The following BARD1 variants were observed in gnomAD, a reference collection of about 807,000 sequenced individuals.
BARD1 encodes the protein BRCA1-associated RING domain protein 1.
A neutral mutation model predicts 77.0 loss-of-function variants in BARD1; 73 were observed. That is an observed-to-expected ratio of 0.95 (90% CI 0.79 to 1.15). BARD1 has a LOEUF of 1.15. BARD1 is among the 50% of genes most tolerant of loss of function. The pLI, the probability that BARD1 is intolerant of heterozygous loss-of-function variation, is 0.00. For missense variants in BARD1, 993 were observed against 938.8 expected, an observed-to-expected ratio of 1.06 and a Z score of -0.75; for synonymous variants, 384 against 338.0, an observed-to-expected ratio of 1.14 and a Z score of -1.49.
intron 10 of BARD1, among the ~76,000 whole-genome samples, chr2:214,729,623 G>T (rs184178252): frequency 6.6e-6 from 1 of 152,054 alleles, no homozygotes; most frequent in East Asian, 1.9e-4. Context: ...GATATGCTTG[G>T]TATAAAGAAA....
chr2:214,750,072 C>T (rs13429493), intron 7 of BARD1, among the ~76,000 whole-genome samples: 27,947 of 152,086 alleles, frequency 0.18, 2,793 homozygotes, highest in Non-Finnish European at 0.23. Context: ...TACTACTACT[C>T]TTGTGAATGA....
At chr2:214,734,955 A>C (rs1302353336) in intron 9 of BARD1, among the ~76,000 whole-genome samples, 1 of 152,218 alleles carries the variant, frequency 6.6e-6, no homozygotes, top group African/African-American at 2.4e-5. Context: ...TTAGTGAATA[A>C]TGAAACACTG....
At position 214,727,436 on chromosome 2, in the gene BARD1, T is replaced by G. The variant is rs55715155; in HGVS notation, c.*1240A>C. 0.041 allele frequency: 9,483 copies of G among 231,864 alleles called. 281 individuals are homozygous for G. Among genetic ancestry groups the G allele is most frequent in the Non-Finnish European group, 0.059 (6,873 of 117,186 alleles). The allele number at this position is 231,864 out of a possible 1,614,324, so 14.4% of individuals were successfully genotyped here. A position where few individuals can be genotyped will look rare whatever the true frequency, so the allele number is the denominator to read the frequency against. ...TGTCTCCTTCCCCAAGTCTTTAATT[T>G]TATAAGTATATTCAATGTCTAGGAA... is the stretch of plus-strand genomic sequence containing the variant. On this transcript the variant is annotated 3_prime_UTR_variant, in exon 11 of 11. Transcript: ENST00000260947.
At chr2:214,761,077 A>AC (rs1693941983) in intron 6 of BARD1, among the ~76,000 whole-genome samples, 1 of 151,930 alleles carries the variant, frequency 6.6e-6, no homozygotes. Context: ...GGGATAAAAA[A>AC]AAAAAGTCCA....
chr2:214,808,245 TAAAAATACA>T (rs1486355899), intron 1 of BARD1, among the ~76,000 whole-genome samples: 1 of 151,974 alleles, frequency 6.6e-6, no homozygotes, highest in East Asian at 1.9e-4. Flanking sequence ...CCATCTGTAC[TAAAAATACA>T]AAAAATTAGC....
chr2:214,751,250 C>T (rs986469868), intron 7 of BARD1, among the ~76,000 whole-genome samples: 4 of 142,822 alleles, frequency 2.8e-5, no homozygotes, highest in East Asian at 2.1e-4. Context: ...CTTTACTTCC[C>T]GGGTTCAATC....
rs1553622386 is a variant in BARD1 at position 214,781,009 on chromosome 2, G to A, written c.865C>T (p.Pro289Ser). ...ACTTCATTCCTGCTCTTAGTGTCTG[G>A]AGACTCTATTTGCTCAGCCAATGGT... ...SLPLAEQIES[P>S]DTKSRNEVVT... Residue 289 changes from proline (P) to serine (S), a missense_variant, in exon 4 of 11, where the codon CCA (proline) becomes TCA (serine). Physicochemically the swap from Pro to Ser is moderately conservative, Grantham distance 74. Transcript: ENST00000260947. 1 of 1,612,942 alleles carries A rather than the reference G, an allele frequency of 6.2e-7. No individual in the cohort carries two copies. Among genetic ancestry groups the A allele is most frequent in the South Asian group, 1.1e-5 (1 of 90,906 alleles).
intron 6 of BARD1, among the ~76,000 whole-genome samples, chr2:214,754,628 T>C (rs935199362): frequency 6.6e-6 from 1 of 152,152 alleles, no homozygotes; most frequent in African/African-American, 2.4e-5. Context: ...GCCAGTAAGA[T>C]GATTTTACAA....
Position 214,728,869 on chromosome 2 carries a change from G to A in BARD1, c.2141C>T (p.Thr714Ile). ...SRKPKPDSDV[T>I]QTINTVAYHA... is the part of the protein sequence containing the mutation. Reference sequence around the variant, plus strand: ...GTATGCGACTGTATTGATGGTCTGAGTCACGTCACTGTCTGGCTTGGGCTT... The same window carrying A: ...GTATGCGACTGTATTGATGGTCTGAATCACGTCACTGTCTGGCTTGGGCTT... The change falls in exon 11 of 11, where the codon ACT becomes ATT. Residue 714 changes from threonine (T) to isoleucine (I), a missense_variant. Thr to Ile is a moderately conservative substitution (Grantham distance 89). Transcript: ENST00000260947. The A allele has an allele frequency of 1.2e-6, 2 of 1,614,218 alleles. No homozygotes were observed. The highest frequency in any genetic ancestry group is 1.7e-6 in the Non-Finnish European group (2 of 1,180,040).
At chr2:214,769,146 G>C in intron 5 of BARD1, 86 bp downstream of exon 5, 1 of 1,101,792 alleles carries the variant, frequency 9.1e-7, no homozygotes, top group South Asian at 1.3e-5. Flanking sequence ...ATATGTGGCA[G>C]AGGATGATAT....
intron 3 of BARD1, among the ~76,000 whole-genome samples, chr2:214,785,422 A>G (rs962036984): frequency 1.4e-4 from 22 of 152,058 alleles, no homozygotes; most frequent in African/African-American, 5.3e-4. Flanking sequence ...CATAGGTAAA[A>G]TCAACCCAGC....
chr2:214,768,584 T>TC (rs1694324626), intron 5 of BARD1, among the ~76,000 whole-genome samples: 1 of 151,146 alleles, frequency 6.6e-6, no homozygotes, highest in African/African-American at 2.4e-5. Flanking sequence ...AATTTCTAGT[T>TC]ACAGGATGAA....
At chr2:214,742,047 T>A (rs1232741816) in intron 9 of BARD1, among the ~76,000 whole-genome samples, 1 of 152,220 alleles carries the variant, frequency 6.6e-6, no homozygotes, top group African/African-American at 2.4e-5. Context: ...AAAGTTAATA[T>A]GAAAGTTTCC....
chr2:214,803,827 G>C (rs2106158960), intron 1 of BARD1, among the ~76,000 whole-genome samples: 1 of 152,274 alleles, frequency 6.6e-6, no homozygotes, highest in East Asian at 1.9e-4. Flanking sequence ...ACACCCACAG[G>C]TGTGGAGGGG....
At chr2:214,802,053 G>A (rs1333024578) in intron 1 of BARD1, among the ~76,000 whole-genome samples, 1 of 152,124 alleles carries the variant, frequency 6.6e-6, no homozygotes. Flanking sequence ...GTTTTGCCAT[G>A]TTGCCCAGGC....
intron 4 of BARD1, among the ~76,000 whole-genome samples, chr2:214,771,395 TA>T (rs1250180133): frequency 1.3e-5 from 2 of 152,176 alleles, no homozygotes; most frequent in African/African-American, 4.8e-5. Context: ...TAGAAATCAC[TA>T]ATTCTCCTAA....
At chr2:214,778,771 T>A (rs1694846690) in intron 4 of BARD1, among the ~76,000 whole-genome samples, 1 of 152,186 alleles carries the variant, frequency 6.6e-6, no homozygotes, top group South Asian at 2.1e-4. Context: ...TTACTCTAAC[T>A]GCACCTTTAA....
chr2:214,742,982 T>C (rs937326405), intron 9 of BARD1, among the ~76,000 whole-genome samples: 4 of 152,220 alleles, frequency 2.6e-5, no homozygotes, highest in Non-Finnish European at 4.4e-5. Flanking sequence ...AATAAGACTT[T>C]CACAGATTTA....
At position 214,726,489 on chromosome 2, in the gene BARD1, G is replaced by A. The variant is rs549410385; in HGVS notation, c.*2187C>T. On this transcript the variant is annotated 3_prime_UTR_variant, in exon 11 of 11. Transcript: ENST00000260947. ...GTAATAAAGTATCTAGTACACTTTAGAAATATTTTTATTCAAAATTAATTA... is the reference window on the plus strand; with the variant it reads ...GTAATAAAGTATCTAGTACACTTTAAAAATATTTTTATTCAAAATTAATTA... 79 of 217,384 alleles carry A rather than the reference G, an allele frequency of 3.6e-4. No homozygotes were observed. The highest frequency in any genetic ancestry group is 5.9e-4 in the Non-Finnish European group (64 of 108,278). 13.5% of individuals were successfully genotyped at this position (217,384 alleles called of 1,614,324 possible). A position where few individuals can be genotyped will look rare whatever the true frequency, so the allele number is the denominator to read the frequency against.
Sources: gnomAD v4.1 joint callset for allele counts (sites outside exome capture counted in the v4.1 genomes callset) on GRCh38, gnomAD v4.1.1 for gene constraint, MANE v1.5 for transcripts, NCBI Gene and HGNC (gene_info 2026-07-23, HGNC 2026-07-21) for gene names.